Variants in FSIP2 observed in about 807,000 individuals in gnomAD.
FSIP2 encodes the protein fibrous sheath interacting protein 2, also known as fibrous sheath-interacting protein 2.
Under a neutral mutation model 510.5 loss-of-function variants are expected in FSIP2, and 367 were observed. That is an observed-to-expected ratio of 0.72 (90% CI 0.66 to 0.78). The LOEUF (loss-of-function observed/expected upper bound fraction) is 0.78. Among genes scored for constraint, FSIP2 ranks in the 30% least tolerant of loss-of-function variants. FSIP2 has a pLI of 0.00. For synonymous variants in FSIP2, 2,601 were observed against 2,732.2 expected, an observed-to-expected ratio of 0.95 and a Z score of 1.50; for missense variants, 7,594 against 7,901.7, an observed-to-expected ratio of 0.96 and a Z score of 1.48.
At chr2:185,744,594 A>C (rs1691986783) in intron 4 of FSIP2, 183 bp downstream of exon 4, 1 of 198,870 alleles carries the variant, frequency 5.0e-6, no homozygotes, top group African/African-American at 2.3e-5. Context: ...TAGTTGGCCA[A>C]GAATGGGAAA....
At chr2:185,809,839 C>T (rs575563641) in intron 17 of FSIP2, among the ~76,000 whole-genome samples, 1 of 152,162 alleles carries the variant, frequency 6.6e-6, no homozygotes, top group African/African-American at 2.4e-5. Flanking sequence ...ACCCCATACT[C>T]AGCTCCCAAA....
In FSIP2 at chr2:185,796,181, G is replaced by T; in HGVS notation, c.9045G>T (p.Glu3015Asp). 1 of 1,532,792 alleles carries T rather than the reference G, an allele frequency of 6.5e-7. No individual in the cohort carries two copies. Among genetic ancestry groups the T allele is most frequent in the Non-Finnish European group, 8.7e-7 (1 of 1,145,354 alleles). 94.9% of individuals were successfully genotyped at this position (1,532,792 alleles called of 1,614,324 possible). A position where few individuals can be genotyped will look rare whatever the true frequency, so the allele number is the denominator to read the frequency against. ...DLQFKHISKY[E>D]FSEIVKMPIE... Reference sequence around the variant, plus strand: ...AGTTTAAACATATCTCCAAATATGAGTTTTCTGAAATTGTGAAAATGCCTA... The same window carrying T: ...AGTTTAAACATATCTCCAAATATGATTTTTCTGAAATTGTGAAAATGCCTA... Residue 3015 changes from glutamate to aspartate, a missense_variant, in exon 16 of 23, where the codon GAG becomes GAT. Transcript: ENST00000424728.
intron 19 of FSIP2, among the ~76,000 whole-genome samples, chr2:185,818,729 C>T (rs1424151409): frequency 6.6e-6 from 1 of 151,696 alleles, no homozygotes; most frequent in Non-Finnish European, 1.5e-5. Flanking sequence ...AAAAAATGTT[C>T]TTCAAAAATG....
At position 185,796,268 on chromosome 2, in the gene FSIP2, A is replaced by G. The variant is rs557993057; in HGVS notation, c.9132A>G (p.Gln3044=). The change falls in exon 16 of 23, where the codon CAA becomes CAG. Residue 3044 remains glutamine, a synonymous_variant. Coordinates refer to ENST00000424728, the MANE Select transcript of FSIP2 (RefSeq NM_173651.4). The stretch of plus-strand genomic sequence containing the variant: ...ACAAAAAAATGTTGCCAAAATTACA[A>G]CCACTGAAAATGTTTTCTGATAAAT... ...LLNKKMLPKL[Q]PLKMFSDKSE... The G allele has an allele frequency of 9.1e-6, 14 of 1,532,388 alleles. No individual in the cohort carries two copies. In the African/African-American group the frequency reaches 1.4e-4, roughly 15 times the overall value. 94.9% of individuals were successfully genotyped at this position (1,532,388 alleles called of 1,614,324 possible).
chr2:185,763,106 A>G, intron 11 of FSIP2, 77 bp from the exon 12 acceptor site: 1 of 697,076 alleles, frequency 1.4e-6, no homozygotes. Context: ...ATGTTGGAGT[A>G]ATGCTGTAAA....
At position 185,788,744 on chromosome 2, in the gene FSIP2, A is replaced by AAGAT. The variant is rs1207599402; in HGVS notation, c.1609_1612dup (p.Leu538Ter). 6.5e-7 allele frequency: 1 copy of AAGAT among 1,534,310 alleles called. No individual in the cohort carries two copies. Among genetic ancestry groups the AAGAT allele is most frequent in the African/African-American group, 1.4e-5 (1 of 73,038 alleles). On this transcript the variant is annotated frameshift_variant, in exon 16 of 23. Transcript: ENST00000424728. LOFTEE classifies it high-confidence loss of function. ...ACCCAGCCATCACAAAGTATGAAAAAAGATTGCAAAATAATACATACCCAG... is the reference window on the plus strand; with the variant it reads ...ACCCAGCCATCACAAAGTATGAAAAAAGATAGATTGCAAAATAATACATACCCAG...
Position 185,833,171 on chromosome 2 carries a change from A to C in FSIP2, c.20669A>C (p.Gln6890Pro). The change falls in exon 23 of 23, where the codon CAA becomes CCA. Residue 6890 changes from glutamine (Q) to proline (P), a missense_variant. Physicochemically the swap from Gln to Pro is moderately conservative, Grantham distance 76 (BLOSUM62 -1). Transcript: ENST00000424728. ...MSSTLSKVFS[Q>P]CNTNISRSSS... is the part of the protein sequence containing the mutation. ...TCAACTTTGTCAAAGGTGTTTTCTC[A>C]ATGTAACACCAATATTTCCAGATCT... 1 of 1,610,140 alleles carries C rather than the reference A, an allele frequency of 6.2e-7. No individual in the cohort carries two copies.
At chr2:185,831,113 TTG>T (rs1402712982) in intron 21 of FSIP2, among the ~76,000 whole-genome samples, 1 of 151,964 alleles carries the variant, frequency 6.6e-6, no homozygotes, top group Non-Finnish European at 1.5e-5. Context: ...CACATTCCTC[TTG>T]TGTTACATGT....
chr2:185,797,340 G>C lies in FSIP2; in HGVS notation c.10204G>C (p.Ala3402Pro), dbSNP rs1313901146. 2 of 1,526,868 alleles carry C rather than the reference G, an allele frequency of 1.3e-6. No individual in the cohort carries two copies. Among genetic ancestry groups the C allele is most frequent in the African/African-American group, 2.8e-5 (2 of 72,050 alleles). The allele number at this position is 1,526,868 out of a possible 1,614,324, so 94.6% of individuals were successfully genotyped here. A position where few individuals can be genotyped will look rare whatever the true frequency, so the allele number is the denominator to read the frequency against. Residue 3402 changes from alanine (A) to proline (P), a missense_variant, in exon 16 of 23, where the codon GCC (alanine) becomes CCC (proline). Ala to Pro is a conservative substitution (Grantham distance 27). Transcript: ENST00000424728. ...TGAGGAAGAAAATGAAAACCTTGAA[G>C]CCAGCCGGGAAGATTCTTCTTTTTT... Reference protein sequence around the residue: ...IPEEENENLEASREDSSFLQK... With the variant: ...IPEEENENLEPSREDSSFLQK...
At chr2:185,814,627 T>C (rs531702117) in intron 18 of FSIP2, among the ~76,000 whole-genome samples, 1 of 152,196 alleles carries the variant, frequency 6.6e-6, no homozygotes, top group East Asian at 1.9e-4. Context: ...TGGCTCCAAA[T>C]TCTCAAATGA....
chr2:185,824,963 A>C (rs1172210479), intron 20 of FSIP2, among the ~76,000 whole-genome samples: 1 of 151,646 alleles, frequency 6.6e-6, no homozygotes, highest in Non-Finnish European at 1.5e-5. Flanking sequence ...CTCCTTAGAA[A>C]ATTTGTAATG....
In FSIP2 at chr2:185,743,122, T is replaced by G. The variant is rs925327219; in HGVS notation, c.226-11T>G. On this transcript the variant is annotated splice_polypyrimidine_tract_variant and intron_variant, in intron 2 of 22. Coordinates refer to ENST00000424728, the MANE Select transcript of FSIP2 (RefSeq NM_173651.4). ...CATTAATTTTACATATTTTTGAATC[T>G]GTGTTTGCAGCTTTTTCGACCTTCT... is the stretch of plus-strand genomic sequence containing the variant. 4.2e-6 allele frequency: 6 copies of G among 1,433,964 alleles called. No homozygotes were observed. In the African/African-American group the frequency reaches 8.8e-5, roughly 21 times the overall value. The allele number at this position is 1,433,964 out of a possible 1,614,324, so 88.8% of individuals were successfully genotyped here.
At position 185,788,924 on chromosome 2, in the gene FSIP2, C is replaced by A. The variant is rs1183317183; in HGVS notation, c.1788C>A (p.Thr596=). The A allele has an allele frequency of 1.3e-6, 2 of 1,535,024 alleles. No homozygotes were observed. Among genetic ancestry groups the A allele is most frequent in the Admixed American group, 2.0e-5 (1 of 50,902 alleles). ...FVVDTSVRRP[T]TPIKPPPAHV... ...TTGACACGTCAGTAAGGAGACCAAC[C>A]ACACCTATAAAACCTCCTCCTGCAC... Residue 596 remains threonine (T), a synonymous_variant, in exon 16 of 23, where the codon ACC becomes ACA. Transcript: ENST00000424728.
At chr2:185,787,660 G>A (rs1315443911) in intron 15 of FSIP2, among the ~76,000 whole-genome samples, 1 of 151,698 alleles carries the variant, frequency 6.6e-6, no homozygotes, top group Non-Finnish European at 1.5e-5. Context: ...GCTAAATAGA[G>A]GTTTATAGAA....
rs1693443872 is a variant in FSIP2 at position 185,801,823 on chromosome 2, G to C, written c.12517G>C (p.Asp4173His). Residue 4173 changes from aspartate (D) to histidine (H), a missense_variant, in exon 17 of 23, where the codon GAT becomes CAT. Coordinates refer to ENST00000424728, the MANE Select transcript of FSIP2 (RefSeq NM_173651.4). ...SLGKKYLMSS[D>H]FNEMSTCIIN... ...AGGAAAAAAATATTTAATGAGTTCTGATTTTAATGAAATGTCCACTTGTAT... is the reference window on the plus strand; with the variant it reads ...AGGAAAAAAATATTTAATGAGTTCTCATTTTAATGAAATGTCCACTTGTAT... 1.3e-6 allele frequency: 2 copies of C among 1,487,558 alleles called. No homozygotes were observed. Among genetic ancestry groups the C allele is most frequent in the East Asian group, 4.9e-5 (2 of 40,656 alleles). The allele number at this position is 1,487,558 out of a possible 1,614,324, so 92.1% of individuals were successfully genotyped here. A position where few individuals can be genotyped will look rare whatever the true frequency, so the allele number is the denominator to read the frequency against.
At chr2:185,813,217 A>G (rs571561912) in intron 17 of FSIP2, among the ~76,000 whole-genome samples, 1 of 152,152 alleles carries the variant, frequency 6.6e-6, no homozygotes, top group East Asian at 1.9e-4. Context: ...AAAATAGGTT[A>G]TCCTGTCTAC....
chr2:185,797,343 A>G lies in FSIP2; in HGVS notation c.10207A>G (p.Ser3403Gly), dbSNP rs1338642390. 1 of 1,527,374 alleles carries G rather than the reference A, an allele frequency of 6.5e-7. No individual in the cohort carries two copies. The highest frequency in any genetic ancestry group is 1.4e-5 in the African/African-American group (1 of 72,124). The allele number at this position is 1,527,374 out of a possible 1,614,324, so 94.6% of individuals were successfully genotyped here. A position where few individuals can be genotyped will look rare whatever the true frequency, so the allele number is the denominator to read the frequency against. ...PEEENENLEA[S>G]REDSSFLQKL... ...GGAAGAAAATGAAAACCTTGAAGCCAGCCGGGAAGATTCTTCTTTTTTGCA... is the reference window on the plus strand; with the variant it reads ...GGAAGAAAATGAAAACCTTGAAGCCGGCCGGGAAGATTCTTCTTTTTTGCA... Residue 3403 changes from serine to glycine, a missense_variant, in exon 16 of 23, where the codon AGC (serine) becomes GGC (glycine). By Grantham distance (56) the Ser-to-Gly change is moderately conservative. Coordinates refer to ENST00000424728, the MANE Select transcript of FSIP2 (RefSeq NM_173651.4).
At chr2:185,754,885 A>G (rs982967600) in intron 8 of FSIP2, among the ~76,000 whole-genome samples, 2 of 151,566 alleles carry the variant, frequency 1.3e-5, no homozygotes, top group African/African-American at 2.4e-5. Flanking sequence ...AAATGAAGAT[A>G]ATACTCCTAG....
chr2:185,765,580 T>C (rs903231212), intron 13 of FSIP2: 13 of 152,278 alleles, frequency 8.5e-5, no homozygotes, highest in South Asian at 2.1e-4. Context: ...GGTAGTGTGA[T>C]GCCTCCAGCT....
Sources: allele counts gnomAD v4.1 joint callset (sites outside exome capture counted in the v4.1 genomes callset), GRCh38; gene constraint gnomAD v4.1.1; transcripts MANE v1.5; gene names NCBI Gene and HGNC (gene_info 2026-07-23, HGNC 2026-07-21).